DRC10: variants seen among roughly 807,000 people sequenced by gnomAD.
The protein encoded by DRC10 is dynein regulatory complex subunit 10, also known as IQ domain-containing protein D.
chr12:113,195,769 T>G, the DRC10 span: 1 of 1,614,002 alleles, frequency 6.2e-7, no homozygotes, highest in African/African-American at 1.3e-5. Context: ...TTCTTGGAGT[T>G]GATCTCCCGC....
At chr12:113,212,349 G>A in the DRC10 span, among the ~76,000 whole-genome samples, 4 of 152,112 alleles carry the variant, frequency 2.6e-5, no homozygotes, top group South Asian at 2.1e-4. Flanking sequence ...GATTACAGGC[G>A]TGAGCCACCA....
the DRC10 span, among the ~76,000 whole-genome samples, chr12:113,205,231 TA>T: frequency 9.3e-3 from 1,376 of 147,866 alleles, 28 homozygotes; most frequent in African/African-American, 0.03. Context: ...AATTTTTTTT[TA>T]AAAAAAAAAA....
At chr12:113,214,937 A>T in the DRC10 span, among the ~76,000 whole-genome samples, 1 of 152,008 alleles carries the variant, frequency 6.6e-6, no homozygotes. Context: ...TTCCCAGGCT[A>T]GGGCTGCAGC....
At chr12:113,219,676 T>A in the DRC10 span, among the ~76,000 whole-genome samples, 9 of 152,178 alleles carry the variant, frequency 5.9e-5, no homozygotes, top group East Asian at 1.9e-4. Context: ...GTTTTTTTTT[T>A]ATATATTTTT....
the DRC10 span, chr12:113,207,363 C>T: frequency 2.4e-6 from 3 of 1,243,062 alleles, no homozygotes; most frequent in Non-Finnish European, 3.5e-6. Flanking sequence ...AAAAATCAAT[C>T]ATTGAGGAAA....
chr12:113,203,492 T>C, the DRC10 span, among the ~76,000 whole-genome samples: 4 of 137,662 alleles, frequency 2.9e-5, no homozygotes, highest in Non-Finnish European at 6.3e-5. Context: ...TTCCCTTTCA[T>C]TGAGACAGAG....
the DRC10 span, chr12:113,199,948 C>G: frequency 5.1e-6 from 1 of 197,902 alleles, no homozygotes; most frequent in Non-Finnish European, 1.0e-5. Flanking sequence ...TGCAGTGGTG[C>G]AATCACAGCT....
At chr12:113,214,028 T>A in the DRC10 span, among the ~76,000 whole-genome samples, 1 of 152,088 alleles carries the variant, frequency 6.6e-6, no homozygotes, top group Non-Finnish European at 1.5e-5. Context: ...TCAAGAGGAA[T>A]TTTCTTTTTA....
the DRC10 span, chr12:113,200,954 CATG>C: frequency 1.6e-6 from 1 of 609,900 alleles, no homozygotes; most frequent in Admixed American, 3.1e-5. Flanking sequence ...GCCTGGCTAA[CATG>C]ATGAAATCCC....
the DRC10 span, among the ~76,000 whole-genome samples, chr12:113,211,229 G>A: frequency 1.7e-4 from 26 of 152,132 alleles, no homozygotes; most frequent in African/African-American, 5.1e-4. Context: ...CTACAGGCAC[G>A]TGCCACCATT....
At chr12:113,202,714 G>A in the DRC10 span, among the ~76,000 whole-genome samples, 1 of 152,188 alleles carries the variant, frequency 6.6e-6, no homozygotes, top group Non-Finnish European at 1.5e-5. Flanking sequence ...GAAAGCTGGA[G>A]CAGCCATCTT....
the DRC10 span, among the ~76,000 whole-genome samples, chr12:113,217,201 T>G: frequency 1.3e-5 from 2 of 152,174 alleles, no homozygotes; most frequent in Non-Finnish European, 2.9e-5. Flanking sequence ...CTCCCTAGAT[T>G]AACAATTTCT....
the DRC10 span, chr12:113,197,507 A>G: frequency 1.9e-5 from 27 of 1,420,248 alleles, no homozygotes; most frequent in South Asian, 2.9e-4. Flanking sequence ...TCTTGGGAAA[A>G]GCATGCGAGA....
chr12:113,219,793 C>CTTATTTATTTATTTATTTAT, the DRC10 span, among the ~76,000 whole-genome samples: 1 of 151,500 alleles, frequency 6.6e-6, no homozygotes, highest in African/African-American at 2.4e-5. Context: ...CCACCTCAGC[C>CTTATTTATTTATTTATTTAT]TTATTTATTT....
At chr12:113,201,585 T>C in the DRC10 span, among the ~76,000 whole-genome samples, 1 of 152,168 alleles carries the variant, frequency 6.6e-6, no homozygotes, top group South Asian at 2.1e-4. Context: ...ACCGGGCTCT[T>C]TCTTGAGGGC....
At chr12:113,214,152 A>G in the DRC10 span, among the ~76,000 whole-genome samples, 2 of 152,130 alleles carry the variant, frequency 1.3e-5, no homozygotes, top group African/African-American at 4.8e-5. Context: ...AGAAAGAAGC[A>G]ACAGATTCAT....
the DRC10 span, among the ~76,000 whole-genome samples, chr12:113,204,216 C>T: frequency 6.6e-6 from 1 of 152,236 alleles, no homozygotes; most frequent in African/African-American, 2.4e-5. Context: ...GCCTGGGTGA[C>T]AGAGCAAGAT....
At chr12:113,206,392 T>A in the DRC10 span, among the ~76,000 whole-genome samples, 3 of 152,142 alleles carry the variant, frequency 2.0e-5, no homozygotes, top group Non-Finnish European at 2.9e-5. Context: ...AGTTACTTGC[T>A]CTCTTCCTTT....
chr12:113,196,724 C>T, the DRC10 span, among the ~76,000 whole-genome samples: 2 of 152,256 alleles, frequency 1.3e-5, no homozygotes, highest in African/African-American at 2.4e-5. Context: ...CTCCCCAGTC[C>T]TCCCTGGCCC....
Sources: allele counts gnomAD v4.1 joint callset (sites outside exome capture counted in the v4.1 genomes callset), GRCh38; gene constraint gnomAD v4.1.1; transcripts MANE v1.5; gene names NCBI Gene and HGNC (gene_info 2026-07-23, HGNC 2026-07-21).